The following JADE3 variants were observed in gnomAD, a reference collection of about 807,000 sequenced individuals.
The protein encoded by JADE3 is jade family PHD finger 3.
In JADE3, 2 loss-of-function variants were observed where a neutral mutation model predicts 50.1. That is an observed-to-expected ratio of 0.04 (90% CI 0.02 to 0.13). The LOEUF is 0.13. Among genes scored for constraint, JADE3 ranks in the 10% least tolerant of loss-of-function variants. JADE3 has a pLI of 1.00. For synonymous variants in JADE3, 218 were observed against 232.9 expected, an observed-to-expected ratio of 0.94 and a Z score of 0.58; for missense variants, 475 against 634.4, an observed-to-expected ratio of 0.75 and a Z score of 2.70.
intron 1 of JADE3, among the ~76,000 whole-genome samples, chrX:46,950,501 C>T (rs1268111885): frequency 8.9e-6 from 1 of 112,194 alleles, no homozygotes; most frequent in Non-Finnish European, 1.9e-5. Context: ...AATATTCCAT[C>T]ATGTGGATGT....
intron 4 of JADE3, among the ~76,000 whole-genome samples, chrX:47,000,155 C>A (rs373244554): frequency 9.0e-6 from 1 of 111,139 alleles, no homozygotes; most frequent in Admixed American, 9.6e-5. Flanking sequence ...AAGGAAAGCT[C>A]CACAGCCTTG....
chrX:47,033,516 C>T (rs1165869054), intron 6 of JADE3, 105 bp from the exon 7 acceptor site: 2 of 662,591 alleles, frequency 3.0e-6, no homozygotes, highest in Non-Finnish European at 4.4e-6. Context: ...CTTTATTTGC[C>T]TTTCTCCCAA....
At chrX:46,922,467 T>C (rs1926244075) in intron 1 of JADE3, among the ~76,000 whole-genome samples, 1 of 110,960 alleles carries the variant, frequency 9.0e-6, no homozygotes, top group Non-Finnish European at 1.9e-5. Context: ...TTTTTTCTCT[T>C]TCTGGGATTC....
chrX:46,925,466 C>T (rs1926333856), intron 1 of JADE3, among the ~76,000 whole-genome samples: 1 of 111,856 alleles, frequency 8.9e-6, no homozygotes, highest in Admixed American at 9.4e-5. Flanking sequence ...TTAAATCCTA[C>T]GTTAGTGGTC....
rs1927208331 is a variant in JADE3, at chrX:46,959,445, G to A, written c.-11-25439G>A. Among the ~76,000 whole-genome samples, 2 of 112,057 alleles carry A rather than the reference G, an allele frequency of 1.8e-5. 1 individual carries two copies. The highest frequency in any genetic ancestry group is 1.9e-4 in the Admixed American group (2 of 10,601). On this transcript the variant is annotated intron_variant, in intron 1 of 10. Transcript: ENST00000614628. ...GAGTGCCCAGTATGTACCAGGCACC[G>A]TGTTAGGCTCTGTGGTTATCACAGT...
chrX:46,922,076 C>T (rs1227042582), intron 1 of JADE3, among the ~76,000 whole-genome samples: 5 of 108,655 alleles, frequency 4.6e-5, no homozygotes, highest in African/African-American at 1.7e-4. Flanking sequence ...CCCAGTCCCC[C>T]ATCCCCCAAC....
intron 4 of JADE3, among the ~76,000 whole-genome samples, chrX:47,002,906 A>G (rs1353068955): frequency 9.0e-6 from 1 of 111,497 alleles, no homozygotes; most frequent in African/African-American, 3.3e-5. Flanking sequence ...CAGTCTTTCA[A>G]TATATTAAGT....
At chrX:47,002,058 T>G (rs930140447) in intron 4 of JADE3, among the ~76,000 whole-genome samples, 40 of 111,746 alleles carry the variant, frequency 3.6e-4, no homozygotes, top group African/African-American at 1.3e-3. Context: ...ATTTATAGAT[T>G]GACTTTTCGT....
In JADE3 at chrX:46,951,057, CT is replaced by C. The variant is rs11291458; in HGVS notation, c.-11-33819del. Among the ~76,000 whole-genome samples, 542 of 108,627 alleles carry C rather than the reference CT, an allele frequency of 5.0e-3. 2 individuals carry two copies. The highest frequency in any genetic ancestry group is 0.017 in the African/African-American group (505 of 30,116). 94.3% of individuals were successfully genotyped at this position (108,627 alleles called of 115,157 possible). ...TTCTTAGTGTCTTGGCAGTTTTAAA[CT>C]TTTTTTTATTTTTATTTTTTATTTT... On this transcript the variant is annotated intron_variant, in intron 1 of 10. Transcript: ENST00000614628.
At chrX:46,994,754 A>G (rs1928088133) in intron 3 of JADE3, among the ~76,000 whole-genome samples, 1 of 111,868 alleles carries the variant, frequency 8.9e-6, no homozygotes, top group South Asian at 3.7e-4. Context: ...TCAGTTATAT[A>G]CTTGTTTCTG....
At chrX:46,986,288 A>T (rs1409443117) in intron 3 of JADE3, among the ~76,000 whole-genome samples, 1 of 112,521 alleles carries the variant, frequency 8.9e-6, no homozygotes, top group Non-Finnish European at 1.9e-5. Flanking sequence ...TACCAACAAT[A>T]CCCAGAATCT....
chrX:47,050,167 C>T (rs1218095588), intron 8 of JADE3, among the ~76,000 whole-genome samples: 1 of 109,872 alleles, frequency 9.1e-6, no homozygotes, highest in Non-Finnish European at 1.9e-5. Flanking sequence ...CCTTTGAGCT[C>T]AAGCGATCCT....
At chrX:46,989,347 T>C (rs1425894059) in intron 3 of JADE3, among the ~76,000 whole-genome samples, 1 of 112,198 alleles carries the variant, frequency 8.9e-6, no homozygotes, top group Non-Finnish European at 1.9e-5. Flanking sequence ...CATTTGTTTC[T>C]GTTTGAAGAA....
chrX:47,050,693 C>G (rs1296140184), intron 8 of JADE3, among the ~76,000 whole-genome samples: 1 of 111,817 alleles, frequency 8.9e-6, no homozygotes, highest in Non-Finnish European at 1.9e-5. Flanking sequence ...ATATTTGTCT[C>G]TACATTCTAT....
At chrX:46,916,218 G>T (rs1926083529) in intron 1 of JADE3, among the ~76,000 whole-genome samples, 1 of 112,311 alleles carries the variant, frequency 8.9e-6, no homozygotes, top group African/African-American at 3.2e-5. Flanking sequence ...ATAGTACAAA[G>T]AACTCACTAT....
At chrX:46,984,826 C>T (rs1372123510) in intron 1 of JADE3, 58 bp from the exon 2 acceptor site, 1 of 888,203 alleles carries the variant, frequency 1.1e-6, no homozygotes, top group African/African-American at 2.0e-5. Flanking sequence ...ACAGTGTTGA[C>T]TGCCCTCTGG....
intron 1 of JADE3, among the ~76,000 whole-genome samples, chrX:46,973,666 G>T (rs1927546612): frequency 8.9e-6 from 1 of 112,330 alleles, no homozygotes; most frequent in African/African-American, 3.2e-5. Flanking sequence ...GTAGAGAGGG[G>T]TGAATTCTGA....
chrX:47,006,822 A>G (rs1928436840), intron 4 of JADE3, among the ~76,000 whole-genome samples: 1 of 110,380 alleles, frequency 9.1e-6, no homozygotes, highest in South Asian at 3.8e-4. Context: ...GTTGAATTTC[A>G]TTTTCGTTCT....
At chrX:46,943,204 T>C (rs1165902621) in intron 1 of JADE3, among the ~76,000 whole-genome samples, 2 of 111,858 alleles carry the variant, frequency 1.8e-5, no homozygotes, top group Non-Finnish European at 3.8e-5. Flanking sequence ...TTCTCTTGCC[T>C]AATGGCTCTG....
Sources: gnomAD v4.1 joint callset for allele counts (sites outside exome capture counted in the v4.1 genomes callset) on GRCh38, gnomAD v4.1.1 for gene constraint, MANE v1.5 for transcripts, NCBI Gene and HGNC (gene_info 2026-07-23, HGNC 2026-07-21) for gene names.